The following DYNC1I1 variants were observed in gnomAD, a reference collection of about 807,000 sequenced individuals.
The protein encoded by DYNC1I1 is cytoplasmic dynein 1 intermediate chain 1.
In DYNC1I1, 43 loss-of-function variants were observed where a neutral mutation model predicts 86.6. That is an observed-to-expected ratio of 0.50 (90% CI 0.39 to 0.64). The LOEUF is 0.64. Among genes scored for constraint, DYNC1I1 ranks in the 30% least tolerant of loss-of-function variants. The probability of loss-of-function intolerance (pLI) is 0.00; values close to 1 mark genes in which losing one functional copy is unlikely to be tolerated. For missense variants in DYNC1I1, 604 were observed against 788.8 expected, an observed-to-expected ratio of 0.77 and a Z score of 2.81; for synonymous variants, 262 against 283.7, an observed-to-expected ratio of 0.92 and a Z score of 0.77.
Position 96,080,360 on chromosome 7 carries a change from C to T in DYNC1I1, c.1651-3C>T, listed in dbSNP as rs768682978. The T allele has an allele frequency of 6.3e-7, 1 of 1,595,704 alleles. No individual in the cohort carries two copies. Among genetic ancestry groups the T allele is most frequent in the South Asian group, 1.1e-5 (1 of 87,448 alleles). On this transcript the variant is annotated splice_polypyrimidine_tract_variant and splice_region_variant and intron_variant, in intron 15 of 16. Transcript: ENST00000447467. The stretch of plus-strand genomic sequence containing the variant: ...TTTTATTCTGTTGTGAACCCTTTGG[C>T]AGGTTCCAACAGCAAGTGTGGCCAT...
At chr7:96,104,074 C>T (rs1017668979) in intron 16 of DYNC1I1, among the ~76,000 whole-genome samples, 1 of 152,090 alleles carries the variant, frequency 6.6e-6, no homozygotes, top group African/African-American at 2.4e-5. Flanking sequence ...GATTATTGGC[C>T]ACATTTAATA....
chr7:95,899,713 C>A (rs2116303718), intron 6 of DYNC1I1, among the ~76,000 whole-genome samples: 1 of 152,240 alleles, frequency 6.6e-6, no homozygotes, highest in Admixed American at 6.5e-5. Flanking sequence ...TAGAAACCAC[C>A]ACTTTCATTC....
chr7:95,812,374 A>G (rs765748543), intron 3 of DYNC1I1, among the ~76,000 whole-genome samples: 8 of 152,244 alleles, frequency 5.3e-5, no homozygotes, highest in Non-Finnish European at 1.0e-4. Context: ...TCTGAAGGAC[A>G]TTTGGCTTGT....
At chr7:95,774,353 T>G (rs1793787143) in intron 1 of DYNC1I1, among the ~76,000 whole-genome samples, 1 of 152,196 alleles carries the variant, frequency 6.6e-6, no homozygotes, top group Admixed American at 6.5e-5. Context: ...ACCTCTGAGA[T>G]GCTGCAGCCG....
intron 10 of DYNC1I1, among the ~76,000 whole-genome samples, chr7:96,014,399 T>C (rs1794353478): frequency 1.3e-5 from 2 of 152,162 alleles, no homozygotes; most frequent in African/African-American, 4.8e-5. Flanking sequence ...GAATCTGAAA[T>C]AGGAACCCAG....
chr7:95,817,057 G>A (rs1201395446), intron 4 of DYNC1I1, among the ~76,000 whole-genome samples: 1 of 151,998 alleles, frequency 6.6e-6, no homozygotes, highest in Non-Finnish European at 1.5e-5. Flanking sequence ...TGAAAGTAGG[G>A]ACTAAGTGAT....
In DYNC1I1 at chr7:95,927,249, C is replaced by T. The variant is rs529060300; in HGVS notation, c.491-50263C>T. 6.6e-5 allele frequency among the ~76,000 whole-genome samples: 10 copies of T among 152,168 alleles called. 1 individual carries two copies. The highest frequency in any genetic ancestry group is 5.8e-4 in the East Asian group (3 of 5,180). ...TACTAGCCCTAATATATTATATATA[C>T]GCACCTGGAAAGTCATCCAACAGAT... On this transcript the variant is annotated intron_variant, in intron 6 of 16. Coordinates refer to ENST00000447467, the MANE Select transcript of DYNC1I1 (RefSeq NM_001135556.2).
intron 6 of DYNC1I1, among the ~76,000 whole-genome samples, chr7:95,918,550 C>T (rs1214638641): frequency 6.6e-6 from 1 of 152,148 alleles, no homozygotes; most frequent in Non-Finnish European, 1.5e-5. Flanking sequence ...TGTGTGTGCA[C>T]ACATGTGCAT....
intron 6 of DYNC1I1, among the ~76,000 whole-genome samples, chr7:95,958,334 T>C (rs6976883): frequency 0.39 from 58,714 of 152,108 alleles, 12,246 homozygotes; most frequent in Non-Finnish European, 0.47. Context: ...CTCACAAGTG[T>C]ACTCCTAGCG....
intron 5 of DYNC1I1, among the ~76,000 whole-genome samples, chr7:95,842,815 C>A (rs549570574): frequency 2.6e-5 from 4 of 152,050 alleles, no homozygotes; most frequent in Non-Finnish European, 4.4e-5. Flanking sequence ...TGAGAGTTCT[C>A]AGCCTCCTAT....
At chr7:95,796,970 C>G (rs548403287) in intron 1 of DYNC1I1, among the ~76,000 whole-genome samples, 3 of 152,078 alleles carry the variant, frequency 2.0e-5, no homozygotes, top group Non-Finnish European at 2.9e-5. Context: ...GGCAGTAGCA[C>G]CAAACTGTAC....
intron 10 of DYNC1I1, among the ~76,000 whole-genome samples, chr7:96,014,347 C>G (rs945639128): frequency 6.6e-6 from 1 of 152,130 alleles, no homozygotes; most frequent in Non-Finnish European, 1.5e-5. Context: ...CGGTTTTTGC[C>G]CCTTCTCCCA....
chr7:95,929,694 C>A (rs1361848000), intron 6 of DYNC1I1, among the ~76,000 whole-genome samples: 1 of 152,208 alleles, frequency 6.6e-6, no homozygotes, highest in African/African-American at 2.4e-5. Flanking sequence ...TCTCCTCCCC[C>A]AAGGGTAACC....
At chr7:96,067,587 T>C (rs1790033171) in intron 14 of DYNC1I1, among the ~76,000 whole-genome samples, 1 of 152,014 alleles carries the variant, frequency 6.6e-6, no homozygotes, top group Admixed American at 6.6e-5. Flanking sequence ...CCTCCACCTC[T>C]ACCCTACCCA....
At chr7:96,005,463 T>C (rs1212804494) in intron 10 of DYNC1I1, among the ~76,000 whole-genome samples, 1 of 152,178 alleles carries the variant, frequency 6.6e-6, no homozygotes, top group Non-Finnish European at 1.5e-5. Context: ...ACAGCGATGT[T>C]GCATATTGCG....
intron 14 of DYNC1I1, among the ~76,000 whole-genome samples, chr7:96,061,348 A>G (rs999275402): frequency 6.6e-6 from 1 of 152,116 alleles, no homozygotes; most frequent in African/African-American, 2.4e-5. Flanking sequence ...CAATGTAGCT[A>G]TTTGTACTGA....
At chr7:95,801,862 G>A (rs1429973190) in intron 1 of DYNC1I1, among the ~76,000 whole-genome samples, 2 of 152,112 alleles carry the variant, frequency 1.3e-5, no homozygotes, top group Non-Finnish European at 2.9e-5. Context: ...ACTTCTCTTG[G>A]AAAGAAAAAG....
chr7:95,919,438 T>G (rs2116371358), intron 6 of DYNC1I1, among the ~76,000 whole-genome samples: 1 of 152,326 alleles, frequency 6.6e-6, no homozygotes, highest in East Asian at 1.9e-4. Flanking sequence ...ACGTTTGATG[T>G]TTGGTTTCAT....
At chr7:95,918,873 T>C (rs1485394341) in intron 6 of DYNC1I1, among the ~76,000 whole-genome samples, 3 of 152,230 alleles carry the variant, frequency 2.0e-5, no homozygotes, top group African/African-American at 7.2e-5. Flanking sequence ...AACCTCAATT[T>C]CCCAGAATTC....
Sources: gnomAD v4.1 joint callset for allele counts (sites outside exome capture counted in the v4.1 genomes callset) on GRCh38, gnomAD v4.1.1 for gene constraint, MANE v1.5 for transcripts, NCBI Gene and HGNC (gene_info 2026-07-23, HGNC 2026-07-21) for gene names.